Variants in PCDHAC1 observed in about 807,000 individuals in gnomAD.
PCDHAC1 encodes protocadherin alpha subfamily C, 1, also known as protocadherin alpha-C1.
In PCDHAC1, 42 loss-of-function variants were observed where a neutral mutation model predicts 60.0. The ratio of observed to expected loss-of-function variants is 0.70; its 90% CI spans 0.55 to 0.90. The LOEUF is 0.90. PCDHAC1 is among the 40% of genes least tolerant of loss of function. The probability of loss-of-function intolerance (pLI) is 0.00; values close to 1 mark genes in which losing one functional copy is unlikely to be tolerated. For synonymous variants in PCDHAC1, 468 were observed against 499.3 expected (o/e 0.94, Z 0.84); for missense variants, 1,160 against 1,222.3 (o/e 0.95, Z 0.76).
At chr5:140,959,234 G>A (rs2095475246) in intron 1 of PCDHAC1, among the ~76,000 whole-genome samples, 2 of 152,106 alleles carry the variant, frequency 1.3e-5, no homozygotes, top group Admixed American at 6.5e-5. Context: ...AAAATTATCT[G>A]GGCATGATAG....
Position 140,927,814 on chromosome 5 carries a change from G to T in PCDHAC1, c.922G>T (p.Ala308Ser). The change falls in exon 1 of 4, where the codon GCA (alanine) becomes TCA (serine). Residue 308 changes from alanine (A) to serine (S), a missense_variant. Transcript: ENST00000253807. ...AGGTCCGCCTGAAACGCTCTTGGAGGCATACATTGAGGCGAGGGACGAAGG... is the reference window on the plus strand; with the variant it reads ...AGGTCCGCCTGAAACGCTCTTGGAGTCATACATTGAGGCGAGGGACGAAGG... ...SLGPPETLLE[A>S]YIEARDEGVF... 1 of 1,614,172 alleles carries T rather than the reference G, an allele frequency of 6.2e-7. No homozygotes were observed. The highest frequency in any genetic ancestry group is 8.5e-7 in the Non-Finnish European group (1 of 1,180,040).
At chr5:140,999,088 G>T (rs1429141341) in intron 3 of PCDHAC1, among the ~76,000 whole-genome samples, 1 of 152,156 alleles carries the variant, frequency 6.6e-6, no homozygotes, top group Non-Finnish European at 1.5e-5. Context: ...TCCTTCAGAG[G>T]GCTATGGAGA....
chr5:140,930,453 C>G (rs1195640207), intron 1 of PCDHAC1: 6 of 152,300 alleles, frequency 3.9e-5, no homozygotes, highest in African/African-American at 1.5e-4. Flanking sequence ...AAACTCCTAG[C>G]CTCAAGTGAT....
intron 1 of PCDHAC1, among the ~76,000 whole-genome samples, chr5:140,939,456 T>C (rs1554212738): frequency 6.6e-6 from 1 of 152,206 alleles, no homozygotes; most frequent in Non-Finnish European, 1.5e-5. Flanking sequence ...GTGAAATTTA[T>C]AGGCCTAGAA....
At chr5:141,007,459 T>A (rs1323177537) in intron 3 of PCDHAC1, among the ~76,000 whole-genome samples, 1 of 149,426 alleles carries the variant, frequency 6.7e-6, no homozygotes, top group Non-Finnish European at 1.5e-5. Context: ...TCCCAGCTAC[T>A]CAGGAGGCTG....
intron 1 of PCDHAC1, among the ~76,000 whole-genome samples, chr5:140,945,598 T>C (rs544036785): frequency 1.3e-5 from 2 of 152,116 alleles, no homozygotes; most frequent in South Asian, 2.1e-4. Flanking sequence ...TTCAAAGCTA[T>C]AATAATCAAA....
At chr5:140,971,892 G>T in intron 1 of PCDHAC1, among the ~76,000 whole-genome samples, 1 of 151,812 alleles carries the variant, frequency 6.6e-6, no homozygotes, top group African/African-American at 2.4e-5. Context: ...AGCTCAGGGA[G>T]GTTAGGTAAT....
intron 1 of PCDHAC1, among the ~76,000 whole-genome samples, chr5:140,943,822 A>T (rs2093570990): frequency 6.6e-6 from 1 of 152,220 alleles, no homozygotes; most frequent in Non-Finnish European, 1.5e-5. Context: ...GAAGAAAATG[A>T]GTTGATTGAA....
At chr5:140,932,946 G>A (rs1554209125) in intron 1 of PCDHAC1, among the ~76,000 whole-genome samples, 1 of 151,982 alleles carries the variant, frequency 6.6e-6, no homozygotes, top group East Asian at 1.9e-4. Flanking sequence ...TGGAATGAAG[G>A]TGGACTAAAT....
At chr5:140,971,640 A>G (rs2096489850) in intron 1 of PCDHAC1, among the ~76,000 whole-genome samples, 1 of 152,184 alleles carries the variant, frequency 6.6e-6, no homozygotes, top group Non-Finnish European at 1.5e-5. Context: ...CCATGTGCCT[A>G]CATTAAAAGT....
intron 3 of PCDHAC1, among the ~76,000 whole-genome samples, chr5:140,998,180 A>C (rs2097799784): frequency 6.6e-6 from 1 of 152,122 alleles, no homozygotes; most frequent in East Asian, 1.9e-4. Context: ...TATTCTAAGC[A>C]CTTTACAAGT....
At chr5:140,937,769 G>A (rs908179495) in intron 1 of PCDHAC1, among the ~76,000 whole-genome samples, 44 of 151,776 alleles carry the variant, frequency 2.9e-4, no homozygotes, top group African/African-American at 9.4e-4. Context: ...AAAATTAGTC[G>A]GGCGTGGTGG....
chr5:140,968,899 A>T (rs782594245), intron 1 of PCDHAC1: 7 of 1,614,130 alleles, frequency 4.3e-6, no homozygotes, highest in Non-Finnish European at 5.1e-6. Flanking sequence ...TAATAATAGC[A>T]TTAAGCACAG....
intron 1 of PCDHAC1, chr5:140,968,960 T>C (rs1563384845): frequency 6.2e-7 from 1 of 1,614,212 alleles, no homozygotes; most frequent in South Asian, 1.1e-5. Context: ...CATCAAGTGC[T>C]ACCGCTACAC....
intron 1 of PCDHAC1, chr5:140,967,347 A>G: frequency 6.2e-7 from 1 of 1,608,324 alleles, no homozygotes; most frequent in South Asian, 1.1e-5. Flanking sequence ...GAGCACTTCG[A>G]GCTGGACCTT....
chr5:140,941,438 C>T (rs1408570275), intron 1 of PCDHAC1, among the ~76,000 whole-genome samples: 4 of 150,764 alleles, frequency 2.7e-5, no homozygotes, highest in African/African-American at 7.3e-5. Context: ...GCCTCAGCCT[C>T]GGGAGTAGCT....
intron 3 of PCDHAC1, among the ~76,000 whole-genome samples, chr5:141,007,767 G>T (rs1322859075): frequency 6.6e-6 from 1 of 152,142 alleles, no homozygotes; most frequent in African/African-American, 2.4e-5. Context: ...TATTGGCCTG[G>T]AAATGGTACT....
intron 1 of PCDHAC1, among the ~76,000 whole-genome samples, chr5:140,965,934 G>C (rs1186937423): frequency 6.6e-6 from 1 of 152,212 alleles, no homozygotes; most frequent in Non-Finnish European, 1.5e-5. Context: ...CTCCCGGAAA[G>C]AGGGCAGCAT....
chr5:140,994,377 G>T (rs1260163825), intron 3 of PCDHAC1, among the ~76,000 whole-genome samples: 3 of 152,098 alleles, frequency 2.0e-5, no homozygotes, highest in Non-Finnish European at 4.4e-5. Context: ...GGAAATTCAG[G>T]GGACTAAGTC....
Sources: allele counts gnomAD v4.1 joint callset (sites outside exome capture counted in the v4.1 genomes callset), GRCh38; gene constraint gnomAD v4.1.1; transcripts MANE v1.5; gene names NCBI Gene and HGNC (gene_info 2026-07-23, HGNC 2026-07-21).